Variants in ZNF365 observed in about 807,000 individuals in gnomAD.
The protein encoded by ZNF365 is zinc finger protein 365, also known as protein ZNF365.
Under a neutral mutation model 35.0 loss-of-function variants are expected in ZNF365, and 22 were observed. That is an observed-to-expected ratio of 0.63 (90% CI 0.45 to 0.90). The LOEUF is 0.90. Among genes scored for constraint, ZNF365 ranks in the 40% least tolerant of loss-of-function variants. The pLI, the probability that ZNF365 is intolerant of heterozygous loss-of-function variation, is 0.00. For missense variants in ZNF365, 448 were observed against 500.3 expected (o/e 0.90, Z 1.00); for synonymous variants, 188 against 196.2 (o/e 0.96, Z 0.35).
chr10:62,471,114 C>G (rs1039868229), intron 4 of ZNF365, among the ~76,000 whole-genome samples: 5 of 151,986 alleles, frequency 3.3e-5, no homozygotes, highest in African/African-American at 1.2e-4. Flanking sequence ...CTCCTGTAAG[C>G]CCAGCACTTT....
At chr10:62,467,163 T>A (rs974363800) in intron 4 of ZNF365, among the ~76,000 whole-genome samples, 1 of 152,260 alleles carries the variant, frequency 6.6e-6, no homozygotes, top group Non-Finnish European at 1.5e-5. Context: ...AATTTTTAAT[T>A]TTTTTAAAAT....
intron 4 of ZNF365, chr10:62,459,840 T>C: frequency 1.3e-6 from 2 of 1,565,262 alleles, no homozygotes; most frequent in South Asian, 2.3e-5. Flanking sequence ...CTGGTTACAA[T>C]AACCAGCAGC....
rs1203088557 is a variant in ZNF365, at chr10:62,380,468, T to TTAGG, written c.743+3532_743+3533insTAGG. 2.0e-5 allele frequency among the ~76,000 whole-genome samples: 3 copies of TTAGG among 152,244 alleles called. No individual in the cohort carries two copies. The East Asian group carries it at 5.8e-4, about 29-fold the overall frequency. On this transcript the variant is annotated intron_variant, in intron 2 of 4. Transcript: ENST00000395254. ...ATTTGTTTATGTTATCAGTAAGGCT[T>TTAGG]CTGGTTAGCAGTAGGCTATTAGGAG...
chr10:62,376,834 G>C lies in ZNF365; in HGVS notation c.641G>C (p.Arg214Pro). ...CAGAAAAAGCAGGAAGTTCAGAGAC[G>C]AGAGCGGGCCTTAAACAGACAGGTG... Reference protein sequence around the residue: ...LTQKKQEVQRRERALNRQVDV... With the variant: ...LTQKKQEVQRPERALNRQVDV... The change falls in exon 2 of 5, where the codon CGA (arginine) becomes CCA (proline). Residue 214 changes from arginine to proline, a missense_variant. By Grantham distance (103) the Arg-to-Pro change is moderately radical. Transcript: ENST00000395254. The C allele has an allele frequency of 1.9e-6, 3 of 1,614,190 alleles. No individual in the cohort carries two copies. The highest frequency in any genetic ancestry group is 2.5e-6 in the Non-Finnish European group (3 of 1,180,038).
chr10:62,462,714 G>C (rs1344212886), intron 4 of ZNF365, among the ~76,000 whole-genome samples: 1 of 152,170 alleles, frequency 6.6e-6, no homozygotes, highest in Non-Finnish European at 1.5e-5. Flanking sequence ...AGCATGGCTG[G>C]ATTAAATTTC....
At chr10:62,376,067 T>C in intron 1 of ZNF365, 114 bp from the exon 2 acceptor site, 1 of 1,126,650 alleles carries the variant, frequency 8.9e-7, no homozygotes, top group South Asian at 1.5e-5. Context: ...TAAAATATTA[T>C]GTGCAAAAGT....
At chr10:62,378,831 C>G (rs1839379222) in intron 2 of ZNF365, among the ~76,000 whole-genome samples, 1 of 152,184 alleles carries the variant, frequency 6.6e-6, no homozygotes, top group African/African-American at 2.4e-5. Context: ...AAGTACAGAA[C>G]TATACTACTC....
At chr10:62,431,080 A>C (rs1361189519) in intron 3 of ZNF365, among the ~76,000 whole-genome samples, 1 of 152,224 alleles carries the variant, frequency 6.6e-6, no homozygotes, top group South Asian at 2.1e-4. Context: ...CAAATGCTTC[A>C]CCATCTGTCT....
chr10:62,477,532 G>C (rs867082570), intron 4 of ZNF365, among the ~76,000 whole-genome samples: 1 of 152,134 alleles, frequency 6.6e-6, no homozygotes, highest in African/African-American at 2.4e-5. Flanking sequence ...TGGCATTATG[G>C]TGAATAATCT....
chr10:62,472,622 G>A lies in ZNF365; in HGVS notation c.982-7254G>A, dbSNP rs74158921. Among the ~76,000 whole-genome samples, 473 of 152,248 alleles carry A rather than the reference G, an allele frequency of 3.1e-3. 1 individual carries two copies. The highest frequency in any genetic ancestry group is 0.011 in the African/African-American group (453 of 41,540). ...GCTTTTAGAGTGACCATGGCTCTGTGGACACCTTAATCTTAGACTTCTAGA... is the reference window on the plus strand; with the variant it reads ...GCTTTTAGAGTGACCATGGCTCTGTAGACACCTTAATCTTAGACTTCTAGA... On this transcript the variant is annotated intron_variant, in intron 4 of 4. Transcript: ENST00000395255.
intron 4 of ZNF365, among the ~76,000 whole-genome samples, chr10:62,471,290 C>T (rs193088281): frequency 2.0e-5 from 3 of 148,774 alleles, no homozygotes; most frequent in South Asian, 2.1e-4. Context: ...GGTGTGAACC[C>T]GGGAGGCGGA....
intron 3 of ZNF365, among the ~76,000 whole-genome samples, chr10:62,437,339 G>C (rs1398135419): frequency 2.0e-5 from 3 of 152,168 alleles, no homozygotes; most frequent in African/African-American, 7.2e-5. Flanking sequence ...TAAAAAAGTT[G>C]ATCTATATCA....
At chr10:62,471,299 G>A (rs1841032684) in intron 4 of ZNF365, among the ~76,000 whole-genome samples, 1 of 150,338 alleles carries the variant, frequency 6.7e-6, no homozygotes, top group South Asian at 2.1e-4. Context: ...CCGGGAGGCG[G>A]AGCTTGCAGT....
intron 3 of ZNF365, among the ~76,000 whole-genome samples, chr10:62,438,792 C>G (rs767128545): frequency 2.0e-5 from 3 of 152,160 alleles, no homozygotes; most frequent in Non-Finnish European, 4.4e-5. Flanking sequence ...TTGAAGCTTG[C>G]AATAGCTGAT....
Position 62,479,822 on chromosome 10 carries a change from G to T in ZNF365, c.982-54G>T, listed in dbSNP as rs1841192926. The T allele has an allele frequency of 3.3e-6, 4 of 1,228,934 alleles. No individual in the cohort carries two copies. In the Admixed American group the frequency reaches 6.9e-5, roughly 21 times the overall value. The allele number at this position is 1,228,934 out of a possible 1,614,324, so 76.1% of individuals were successfully genotyped here. On this transcript the variant is annotated intron_variant, in intron 4 of 4. Transcript: ENST00000395255. ...CTTCTTTTTTTGACTATTGTTGCTG[G>T]CACCTAGATACCACTGCAACTCTAC...
intron 3 of ZNF365, among the ~76,000 whole-genome samples, chr10:62,457,114 G>T (rs1564597043): frequency 6.6e-6 from 1 of 152,094 alleles, no homozygotes; most frequent in South Asian, 2.1e-4. Flanking sequence ...CCTGAGACCG[G>T]TGACCCATCC....
At chr10:62,415,019 C>G (rs10761631) in intron 3 of ZNF365, among the ~76,000 whole-genome samples, 95,528 of 151,686 alleles carry the variant, frequency 0.63, 30,741 homozygotes, top group East Asian at 0.84. Context: ...CTAAAATTTT[C>G]GTCTGATTTG....
intron 3 of ZNF365, among the ~76,000 whole-genome samples, chr10:62,409,731 C>T (rs74156202): frequency 0.066 from 10,107 of 152,144 alleles, 544 homozygotes; most frequent in African/African-American, 0.14. Flanking sequence ...TAAGGCCTCA[C>T]CAGATGGATC....
At chr10:62,377,782 G>A (rs994600189) in intron 2 of ZNF365, among the ~76,000 whole-genome samples, 3 of 152,200 alleles carry the variant, frequency 2.0e-5, no homozygotes, top group Non-Finnish European at 4.4e-5. Flanking sequence ...ATTTTAAATA[G>A]AGGTTTAGAA....
Sources: gnomAD v4.1 joint callset for allele counts (sites outside exome capture counted in the v4.1 genomes callset) on GRCh38, gnomAD v4.1.1 for gene constraint, MANE v1.5 for transcripts, NCBI Gene and HGNC (gene_info 2026-07-23, HGNC 2026-07-21) for gene names.